SKOR1: variants seen among roughly 807,000 people sequenced by gnomAD.
SKOR1 encodes the protein LBX1 corepressor 1.
A neutral mutation model predicts 72.4 loss-of-function variants in SKOR1; 38 were observed. The observed-to-expected ratio is 0.52, with a 90% CI of 0.40 to 0.69. The LOEUF (loss-of-function observed/expected upper bound fraction) is 0.69, where lower values mean the gene tolerates loss of function less well. Among genes scored for constraint, SKOR1 ranks in the 30% least tolerant of loss-of-function variants. The probability of loss-of-function intolerance (pLI) is 0.00; values close to 1 mark genes in which losing one functional copy is unlikely to be tolerated. For missense variants in SKOR1, 1,320 were observed against 1,343.2 expected (o/e 0.98, Z 0.27); for synonymous variants, 642 against 599.4 (o/e 1.07, Z -1.04).
rs771464245 is a variant in SKOR1 at position 67,830,773 on chromosome 15, G to A, written c.2516-45G>A. 3.7e-6 allele frequency: 6 copies of A among 1,603,416 alleles called. No individual in the cohort carries two copies. In the Admixed American group the frequency reaches 1.0e-4, roughly 27 times the overall value. On this transcript the variant is annotated intron_variant, in intron 4 of 8. Transcript: ENST00000380035. ...GGAAGCTCACCCCTCCCCTCTCAAG[G>A]GCTTTCCTAGGACAGAACCCCTCTT...
rs1202236591 is a variant in SKOR1 at position 67,827,134 on chromosome 15, G to A, written c.1306G>A (p.Gly436Arg). The A allele has an allele frequency of 1.4e-6, 2 of 1,382,198 alleles. No individual in the cohort carries two copies. The highest frequency in any genetic ancestry group is 1.9e-6 in the Non-Finnish European group (2 of 1,077,592). 85.6% of individuals were successfully genotyped at this position (1,382,198 alleles called of 1,614,324 possible). The change falls in exon 2 of 9, where the codon GGG becomes AGG. Residue 436 changes from glycine to arginine, a missense_variant. By Grantham distance (125) the Gly-to-Arg change is moderately radical (BLOSUM62 -2). Around this residue, in one of 3 missense-constraint regions of SKOR1, gnomAD observed 1,099 missense variants for 1,025.5 expected, o/e 1.07. Coordinates refer to ENST00000380035, the MANE Select transcript of SKOR1 (RefSeq NM_001365915.1). Reference protein sequence around the residue: ...GSGGGGAGTGGGAGGPGASHL... With the variant: ...GSGGGGAGTGRGAGGPGASHL... The stretch of plus-strand genomic sequence containing the variant: ...CGGCGGCGGCGGCGCGGGGACAGGC[G>A]GGGGTGCGGGGGGCCCGGGAGCCAG...
In SKOR1 at chr15:67,832,294, C is replaced by A. The variant is rs371135892; in HGVS notation, c.2608C>A (p.Leu870Met). 1.1e-5 allele frequency: 17 copies of A among 1,614,132 alleles called. No individual in the cohort carries two copies. Among genetic ancestry groups the A allele is most frequent in the Middle Eastern group, 1.6e-4 (1 of 6,062 alleles). ...LAREELQKLLLEQMELRKKLE... is the reference protein window; with the variant it reads ...LAREELQKLLMEQMELRKKLE... ...CACAGAGGAATTGCAAAAACTGCTCCTGGAACAAATGGAGCTCCGCAAGAA... is the reference window on the plus strand; with the variant it reads ...CACAGAGGAATTGCAAAAACTGCTCATGGAACAAATGGAGCTCCGCAAGAA... Residue 870 changes from leucine to methionine, a missense_variant, in exon 6 of 9, where the codon CTG becomes ATG. Physicochemically the swap from Leu to Met is conservative, Grantham distance 15. Coordinates refer to ENST00000380035, the MANE Select transcript of SKOR1 (RefSeq NM_001365915.1). The surrounding 1 kb of genome is among the most constrained non-coding windows in gnomAD (Gnocchi z 4.5).
chr15:67,831,151 G>A (rs1210399662), intron 5 of SKOR1, among the ~76,000 whole-genome samples: 2 of 152,170 alleles, frequency 1.3e-5, no homozygotes, highest in Non-Finnish European at 2.9e-5. Flanking sequence ...CCAAGGCCCG[G>A]GTCTGTCTGA....
Position 67,834,010 on chromosome 15 carries a change from C to A in SKOR1, c.*174C>A, listed in dbSNP as rs2091029091. On this transcript the variant is annotated 3_prime_UTR_variant, in exon 9 of 9. Coordinates refer to ENST00000380035, the MANE Select transcript of SKOR1 (RefSeq NM_001365915.1). The surrounding 1 kb of genome is among the most constrained non-coding windows in gnomAD (Gnocchi z 5.8). ...CCGGCCTTGCCCGCCCCCTCCCGGGCGTCCCTGTCCAGGGCCCCGGCTTGG... is the reference window on the plus strand; with the variant it reads ...CCGGCCTTGCCCGCCCCCTCCCGGGAGTCCCTGTCCAGGGCCCCGGCTTGG... 40 of 702,260 alleles carry A rather than the reference C, an allele frequency of 5.7e-5. No individual in the cohort carries two copies. In the South Asian group the frequency reaches 6.6e-4, roughly 12 times the overall value. 43.5% of individuals were successfully genotyped at this position (702,260 alleles called of 1,614,324 possible).
Position 67,833,661 on chromosome 15 carries a change from C to A in SKOR1, c.2804-81C>A. 7.0e-7 allele frequency: 1 copy of A among 1,427,078 alleles called. No homozygotes were observed. Among genetic ancestry groups the A allele is most frequent in the Non-Finnish European group, 9.9e-7 (1 of 1,014,556 alleles). The allele number at this position is 1,427,078 out of a possible 1,614,324, so 88.4% of individuals were successfully genotyped here. On this transcript the variant is annotated intron_variant, in intron 8 of 8. Transcript: ENST00000380035. The surrounding 1 kb of genome is among the most constrained non-coding windows in gnomAD (Gnocchi z 6.0). ...CCCTGACCCCAAAGGGTTGGTAAGG[C>A]CGGGGAGGGGAAAGGGTGGACTGCG...
chr15:67,830,274 C>G lies in SKOR1; in HGVS notation c.2491C>G (p.Pro831Ala). 1 of 1,614,196 alleles carries G rather than the reference C, an allele frequency of 6.2e-7. No individual in the cohort carries two copies. The highest frequency in any genetic ancestry group is 8.5e-7 in the Non-Finnish European group (1 of 1,180,022). The stretch of plus-strand genomic sequence containing the variant: ...TCCAGACCAAAGGAGTATCTCCCAG[C>G]CAAGTCCTGCAAATACAGACAGAGG... ...SYPDQRSISQ[P>A]SPANTDRGED... is the part of the protein sequence containing the mutation. Residue 831 changes from proline (P) to alanine (A), a missense_variant, in exon 4 of 9, where the codon CCA becomes GCA. Pro to Ala is a conservative substitution (Grantham distance 27). Around this residue, in one of 3 missense-constraint regions of SKOR1, gnomAD observed 1,099 missense variants for 1,025.5 expected, o/e 1.07. Transcript: ENST00000380035.
chr15:67,834,158 T>G lies in SKOR1; in HGVS notation c.*322T>G. The G allele has an allele frequency of 4.7e-6, 2 of 429,022 alleles. No homozygotes were observed. The highest frequency in any genetic ancestry group is 4.8e-5 in the East Asian group (1 of 20,902). 26.6% of individuals were successfully genotyped at this position (429,022 alleles called of 1,614,324 possible). ...CGGGAGGGGAGAGCGCCCCCTCCCA[T>G]TGTATAGCCTTGAACCCGATTGTGA... On this transcript the variant is annotated 3_prime_UTR_variant, in exon 9 of 9. Transcript: ENST00000380035. The surrounding 1 kb of genome is among the most constrained non-coding windows in gnomAD (Gnocchi z 5.8).
At position 67,827,581 on chromosome 15, in the gene SKOR1, C is replaced by T. The variant is rs1472935901; in HGVS notation, c.1753C>T (p.Pro585Ser). 5.3e-6 allele frequency: 8 copies of T among 1,522,356 alleles called. No individual in the cohort carries two copies. In the Admixed American group the frequency reaches 8.2e-5, roughly 16 times the overall value. The allele number at this position is 1,522,356 out of a possible 1,614,324, so 94.3% of individuals were successfully genotyped here. A position where few individuals can be genotyped will look rare whatever the true frequency, so the allele number is the denominator to read the frequency against. Residue 585 changes from proline to serine, a missense_variant, in exon 2 of 9, where the codon CCC (proline) becomes TCC (serine). Physicochemically the swap from Pro to Ser is moderately conservative, Grantham distance 74. Around this residue, in one of 3 missense-constraint regions of SKOR1, gnomAD observed 1,099 missense variants for 1,025.5 expected, o/e 1.07. Coordinates refer to ENST00000380035, the MANE Select transcript of SKOR1 (RefSeq NM_001365915.1). Reference sequence around the variant, plus strand: ...CCCGTTGCCCCCGCCGCCCCCGCCGCCCGCACGCAAAGGCTCCTACGTGTC... The same window carrying T: ...CCCGTTGCCCCCGCCGCCCCCGCCGTCCGCACGCAAAGGCTCCTACGTGTC... ...LAPLPPPPPP[P>S]ARKGSYVSAF...
chr15:67,830,081 C>A, intron 3 of SKOR1, 110 bp from the exon 4 acceptor site: 1 of 1,078,770 alleles, frequency 9.3e-7, no homozygotes, highest in Non-Finnish European at 1.4e-6. Context: ...GAACCAGAGG[C>A]GGCCACGACG....
In SKOR1 at chr15:67,830,215, C is replaced by A; in HGVS notation, c.2432C>A (p.Ser811Ter). The A allele has an allele frequency of 6.2e-7, 1 of 1,614,158 alleles. No homozygotes were observed. The highest frequency in any genetic ancestry group is 8.5e-7 in the Non-Finnish European group (1 of 1,180,016). ...AHEPDKEDNH[S>*]PADDLETRKS... ...GAGCCAGATAAGGAAGACAATCACT[C>A]GCCCGCCGATGATTTGGAAACGAGG... Residue 811 changes from serine (S) to a stop codon, truncating the protein, a stop_gained, in exon 4 of 9, where the codon TCG (serine) becomes TAG (stop). Coordinates refer to ENST00000380035, the MANE Select transcript of SKOR1 (RefSeq NM_001365915.1). LOFTEE classifies it high-confidence loss of function.
Position 67,826,660 on chromosome 15 carries a change from C to A in SKOR1, c.832C>A (p.Arg278=). The A allele has an allele frequency of 6.2e-7, 1 of 1,603,390 alleles. No individual in the cohort carries two copies. Among genetic ancestry groups the A allele is most frequent in the South Asian group, 1.1e-5 (1 of 89,988 alleles). ...KAMFNGGTRK[R]TFSLQGGGGG... The stretch of plus-strand genomic sequence containing the variant: ...CATGTTTAATGGCGGCACGCGCAAG[C>A]GGACCTTCTCCCTACAAGGAGGCGG... Residue 278 remains arginine (R), a synonymous_variant, in exon 2 of 9, where the codon CGG becomes AGG. Transcript: ENST00000380035.
chr15:67,825,746 G>A lies in SKOR1; in HGVS notation c.107+37G>A, dbSNP rs1302222182. The A allele has an allele frequency of 1.0e-6, 1 of 991,812 alleles. No individual in the cohort carries two copies. The highest frequency in any genetic ancestry group is 1.6e-5 in the African/African-American group (1 of 62,176). 61.4% of individuals were successfully genotyped at this position (991,812 alleles called of 1,614,324 possible). A position where few individuals can be genotyped will look rare whatever the true frequency, so the allele number is the denominator to read the frequency against. ...CCCTTCTCCTCCCCCAAGCCCCGGG[G>A]GCTGTTGTTAACGGCGCCAACATGG... On this transcript the variant is annotated intron_variant, in intron 1 of 8. Coordinates refer to ENST00000380035, the MANE Select transcript of SKOR1 (RefSeq NM_001365915.1). This position sits in a 1 kb window ranked among gnomAD's most constrained non-coding sequence, Gnocchi z 5.6.
chr15:67,830,719 G>A, intron 4 of SKOR1, 99 bp from the exon 5 acceptor site: 1 of 1,111,078 alleles, frequency 9.0e-7, no homozygotes, highest in Non-Finnish European at 1.4e-6. Context: ...GAAGGTCTAG[G>A]GTAGGTCCCT....
At position 67,826,517 on chromosome 15, in the gene SKOR1, C is replaced by T. The variant is rs1198175732; in HGVS notation, c.689C>T (p.Pro230Leu). The T allele has an allele frequency of 6.2e-7, 1 of 1,613,830 alleles. No individual in the cohort carries two copies. The highest frequency in any genetic ancestry group is 1.7e-5 in the Admixed American group (1 of 60,030). ...NKFIFHSHRTPDAKYTQPDAA... is the reference protein window; with the variant it reads ...NKFIFHSHRTLDAKYTQPDAA... ...TTCATCTTCCACTCGCACCGAACAC[C>T]CGACGCCAAGTACACGCAGCCCGAT... The change falls in exon 2 of 9, where the codon CCC (proline) becomes CTC (leucine). Residue 230 changes from proline to leucine, a missense_variant. Physicochemically the swap from Pro to Leu is moderately conservative, Grantham distance 98. Transcript: ENST00000380035.
At position 67,833,066 on chromosome 15, in the gene SKOR1, C is replaced by A. The variant is rs1157182989; in HGVS notation, c.2738-126C>A. 4.3e-6 allele frequency: 4 copies of A among 935,452 alleles called. No individual in the cohort carries two copies. The highest frequency in any genetic ancestry group is 1.6e-5 in the African/African-American group (1 of 61,192). 57.9% of individuals were successfully genotyped at this position (935,452 alleles called of 1,614,324 possible). ...GCAGTTAGGAGCTCCGGTACCCCCT[C>A]CCCCATCCCTGGAGTTGTTTCTGCG... On this transcript the variant is annotated intron_variant, in intron 7 of 8. Transcript: ENST00000380035. This position sits in a 1 kb window ranked among gnomAD's most constrained non-coding sequence, Gnocchi z 6.0.
In SKOR1 at chr15:67,829,323, G is replaced by A. The variant is rs959224342; in HGVS notation, c.2407+54G>A. ...GTAATGGGGGAACCGCAGACAGAGG[G>A]CCGGGGTCAAGGAAGGCCTGCGAAG... is the stretch of plus-strand genomic sequence containing the variant. On this transcript the variant is annotated intron_variant, in intron 3 of 8. Transcript: ENST00000380035. 13 of 1,444,796 alleles carry A rather than the reference G, an allele frequency of 9.0e-6. No homozygotes were observed. The Admixed American group carries it at 2.5e-4, about 28-fold the overall frequency. 89.5% of individuals were successfully genotyped at this position (1,444,796 alleles called of 1,614,324 possible). A position where few individuals can be genotyped will look rare whatever the true frequency, so the allele number is the denominator to read the frequency against.
chr15:67,828,138 G>C lies in SKOR1; in HGVS notation c.2310G>C (p.Pro770=). ...GCGGGCCCCTAGGAGGCCCCGCGCC[G>C]GCCAAGGTGAGCCCCGCGCCCGCCC... ...EPCGPLGGPA[P]AKVFAPERDE... Residue 770 remains proline, a synonymous_variant, in exon 2 of 9, where the codon CCG becomes CCC. Coordinates refer to ENST00000380035, the MANE Select transcript of SKOR1 (RefSeq NM_001365915.1). 3 of 1,474,738 alleles carry C rather than the reference G, an allele frequency of 2.0e-6. No homozygotes were observed. The highest frequency in any genetic ancestry group is 2.7e-6 in the Non-Finnish European group (3 of 1,122,638). 91.4% of individuals were successfully genotyped at this position (1,474,738 alleles called of 1,614,324 possible).
At position 67,827,344 on chromosome 15, in the gene SKOR1, G is replaced by T. The variant is rs1328572560; in HGVS notation, c.1516G>T (p.Ala506Ser). ...CCTCCCGGTACCGTCCTACCCCGCT[G>T]CTCAGAGCCAAGCCAAGGCCGTGGC... ...GSLPVPSYPAAQSQAKAVAAA... is the reference protein window; with the variant it reads ...GSLPVPSYPASQSQAKAVAAA... The change falls in exon 2 of 9, where the codon GCT (alanine) becomes TCT (serine). Residue 506 changes from alanine (A) to serine (S), a missense_variant. Ala to Ser is a moderately conservative substitution (Grantham distance 99). Coordinates refer to ENST00000380035, the MANE Select transcript of SKOR1 (RefSeq NM_001365915.1). 3.2e-6 allele frequency: 5 copies of T among 1,586,862 alleles called. No individual in the cohort carries two copies. Among genetic ancestry groups the T allele is most frequent in the South Asian group, 1.1e-5 (1 of 89,794 alleles).
Position 67,833,774 on chromosome 15 carries a change from A to C in SKOR1, c.2836A>C (p.Lys946Gln). The change falls in exon 9 of 9, where the codon AAG (lysine) becomes CAG (glutamine). Residue 946 changes from lysine to glutamine, a missense_variant. Physicochemically the swap from Lys to Gln is moderately conservative, Grantham distance 53. Coordinates refer to ENST00000380035, the MANE Select transcript of SKOR1 (RefSeq NM_001365915.1). The surrounding 1 kb of genome is among the most constrained non-coding windows in gnomAD (Gnocchi z 6.0). ...AHDALHHFSC[K>Q]MLTPRHCTGN... ...CGACGCCCTGCACCATTTCTCCTGC[A>C]AGATGCTGACGCCCCGCCACTGCAC... is the stretch of plus-strand genomic sequence containing the variant. The C allele has an allele frequency of 1.2e-6, 2 of 1,613,546 alleles. No homozygotes were observed. Among genetic ancestry groups the C allele is most frequent in the Non-Finnish European group, 1.7e-6 (2 of 1,180,032 alleles).
Sources: gnomAD v4.1 joint callset for allele counts (sites outside exome capture counted in the v4.1 genomes callset) on GRCh38, gnomAD v4.1.1 for gene constraint, gnomAD v4.1.1 regional missense constraint, Gnocchi (gnomAD v3.1) non-coding constraint, MANE v1.5 for transcripts, NCBI Gene and HGNC (gene_info 2026-07-23, HGNC 2026-07-21) for gene names.